The following BICD1 variants were observed in gnomAD, a reference collection of about 807,000 sequenced individuals.
The protein encoded by BICD1 is BICD cargo adaptor 1.
BICD1 carries 35 observed loss-of-function variants against 92.5 expected under a neutral mutation model. The observed-to-expected ratio is 0.38, with a 90% confidence interval of 0.29 to 0.50. The LOEUF is 0.50. BICD1 is among the 20% of genes least tolerant of loss of function. The pLI, the probability that BICD1 is intolerant of heterozygous loss-of-function variation, is 0.93. For missense variants in BICD1, 950 were observed against 1,189.8 expected (o/e 0.80, Z 2.97); for synonymous variants, 429 against 465.1 (o/e 0.92, Z 1.00).
chr12:32,145,648 C>G (rs745848681), intron 1 of BICD1, among the ~76,000 whole-genome samples: 4 of 151,976 alleles, frequency 2.6e-5, no homozygotes, highest in Non-Finnish European at 4.4e-5. Flanking sequence ...TTTTAGAGGA[C>G]CAAGTTGATA....
chr12:32,166,003 T>C (rs955124029), intron 1 of BICD1, among the ~76,000 whole-genome samples: 4 of 152,154 alleles, frequency 2.6e-5, no homozygotes, highest in African/African-American at 2.4e-5. Flanking sequence ...ATGTTGATCA[T>C]ACTATGAAGC....
intron 9 of BICD1, among the ~76,000 whole-genome samples, chr12:32,370,150 C>T (rs1382748755): frequency 1.3e-5 from 2 of 152,068 alleles, no homozygotes; most frequent in African/African-American, 4.8e-5. Context: ...CGGTGGATCA[C>T]AAGGTCAAGA....
intron 5 of BICD1, among the ~76,000 whole-genome samples, chr12:32,330,381 A>G (rs1937793249): frequency 7.0e-6 from 1 of 142,572 alleles, no homozygotes; most frequent in Non-Finnish European, 1.5e-5. Context: ...CAATGAGAAC[A>G]CATGGACACA....
At chr12:32,336,872 G>T (rs1938148294) in intron 6 of BICD1, among the ~76,000 whole-genome samples, 1 of 152,178 alleles carries the variant, frequency 6.6e-6, no homozygotes, top group South Asian at 2.1e-4. Flanking sequence ...AGCACTTTGG[G>T]AGACTGAGGC....
At chr12:32,168,796 C>G (rs1024046108) in intron 1 of BICD1, among the ~76,000 whole-genome samples, 1 of 151,996 alleles carries the variant, frequency 6.6e-6, no homozygotes, top group Non-Finnish European at 1.5e-5. Flanking sequence ...ATGGTGAAAC[C>G]CTGATAATAC....
intron 8 of BICD1, among the ~76,000 whole-genome samples, chr12:32,342,438 T>C (rs1166528062): frequency 1.3e-5 from 2 of 151,636 alleles, no homozygotes; most frequent in South Asian, 2.1e-4. Context: ...GTATTTTTAG[T>C]AGAGATGGGG....
intron 2 of BICD1, 51 bp downstream of exon 2, chr12:32,216,510 A>T: frequency 6.4e-7 from 1 of 1,567,998 alleles, no homozygotes; most frequent in Non-Finnish European, 8.7e-7. Flanking sequence ...GAAATAAGAA[A>T]GTTCTCTCCA....
intron 1 of BICD1, among the ~76,000 whole-genome samples, chr12:32,126,330 T>G (rs1798267): frequency 0.29 from 43,933 of 151,788 alleles, 6,594 homozygotes; most frequent in Admixed American, 0.43. Flanking sequence ...CACACCGAGT[T>G]TGTGTAGAAA....
intron 8 of BICD1, among the ~76,000 whole-genome samples, chr12:32,356,303 T>G (rs2136313419): frequency 6.6e-6 from 1 of 152,290 alleles, no homozygotes; most frequent in East Asian, 1.9e-4. Context: ...TCTGATGGAC[T>G]CTAAATTTCA....
intron 9 of BICD1, 27 bp from the exon 10 acceptor site, chr12:32,377,513 G>C: frequency 6.3e-7 from 1 of 1,588,778 alleles, no homozygotes; most frequent in Non-Finnish European, 8.6e-7. Context: ...TGTGTTTCTT[G>C]CTGACGTGCT....
intron 4 of BICD1, among the ~76,000 whole-genome samples, chr12:32,311,327 C>G (rs1948369882): frequency 6.6e-6 from 1 of 151,324 alleles, no homozygotes; most frequent in African/African-American, 2.4e-5. Flanking sequence ...GAAACCCCAT[C>G]TCTACTAAAA....
intron 2 of BICD1, among the ~76,000 whole-genome samples, chr12:32,271,492 T>G (rs564679312): frequency 1.3e-5 from 2 of 152,290 alleles, no homozygotes; most frequent in East Asian, 3.9e-4. Context: ...CCAGACCAGA[T>G]AGCACTTGAG....
At chr12:32,363,189 G>A (rs555535707) in intron 8 of BICD1, among the ~76,000 whole-genome samples, 2 of 152,066 alleles carry the variant, frequency 1.3e-5, no homozygotes, top group African/African-American at 2.4e-5. Context: ...TACTCTTCTT[G>A]TGCATATCGA....
At position 32,375,581 on chromosome 12, in the gene BICD1, G is replaced by A. The variant is rs191184957; in HGVS notation, c.2841-1959G>A. ...TATTTTCTTAGGCTTTTTGTTGAAGGTCCAGTTCTCCCATGTTTACATACC... is the reference window on the plus strand; with the variant it reads ...TATTTTCTTAGGCTTTTTGTTGAAGATCCAGTTCTCCCATGTTTACATACC... On this transcript the variant is annotated intron_variant, in intron 9 of 9. Coordinates refer to ENST00000652176, the MANE Select transcript of BICD1 (RefSeq NM_001714.4). 3.6e-3 allele frequency among the ~76,000 whole-genome samples: 545 copies of A among 152,220 alleles called. 4 individuals are homozygous for A. Among genetic ancestry groups the A allele is most frequent in the African/African-American group, 0.012 (515 of 41,536 alleles).
intron 1 of BICD1, among the ~76,000 whole-genome samples, chr12:32,177,667 G>T (rs1412680157): frequency 2.0e-5 from 1 of 49,110 alleles, no homozygotes; most frequent in Admixed American, 2.3e-4. Flanking sequence ...AAGGAAACAG[G>T]GATAAAGAAA....
intron 1 of BICD1, among the ~76,000 whole-genome samples, chr12:32,171,979 ACACACACACACT>A (rs1326314421): frequency 2.2e-5 from 3 of 137,444 alleles, no homozygotes; most frequent in Admixed American, 7.9e-5. Flanking sequence ...ACACACACAC[ACACACACACACT>A]AAAACTGCTG....
chr12:32,151,017 G>A (rs1185560015), intron 1 of BICD1, among the ~76,000 whole-genome samples: 1 of 152,134 alleles, frequency 6.6e-6, no homozygotes, highest in Admixed American at 6.5e-5. Context: ...TGAAAAAAAT[G>A]TAGGATCCAC....
chr12:32,163,955 A>G (rs1376180200), intron 1 of BICD1, among the ~76,000 whole-genome samples: 9 of 152,224 alleles, frequency 5.9e-5, no homozygotes. Context: ...ATTAAAAACT[A>G]TCAAATTTCA....
rs1281482219 is a variant in BICD1, at chr12:32,337,734, C to T, written c.2488C>T (p.Pro830Ser). The change falls in exon 7 of 10, where the codon CCC becomes TCC. Residue 830 changes from proline (P) to serine (S), a missense_variant. This residue lies in a region of BICD1 where 179 missense variants were observed against 186.7 expected (regional missense o/e 0.96). Transcript: ENST00000652176. This position sits in a 1 kb window ranked among gnomAD's most constrained non-coding sequence, Gnocchi z 4.7. ...AAGTGGGGAGGCATCAGTCACCGTG[C>T]CCACCATAGACACTTACCTCCTGCA... Reference protein sequence around the residue: ...KVSGEASVTVPTIDTYLLHSQ... With the variant: ...KVSGEASVTVSTIDTYLLHSQ... 1.2e-6 allele frequency: 2 copies of T among 1,614,136 alleles called. No homozygotes were observed. Among genetic ancestry groups the T allele is most frequent in the Non-Finnish European group, 1.7e-6 (2 of 1,180,026 alleles).
Sources: allele counts gnomAD v4.1 joint callset (sites outside exome capture counted in the v4.1 genomes callset), GRCh38; gene constraint gnomAD v4.1.1; regional missense constraint gnomAD v4.1.1; non-coding constraint Gnocchi (gnomAD v3.1); transcripts MANE v1.5; gene names NCBI Gene and HGNC (gene_info 2026-07-23, HGNC 2026-07-21).